BMPR2: variants seen among roughly 807,000 people sequenced by gnomAD.
The protein encoded by BMPR2 is bone morphogenetic protein receptor type 2.
BMPR2 carries 29 observed loss-of-function variants against 100.8 expected under a neutral mutation model. That is an observed-to-expected ratio of 0.29 (90% CI 0.21 to 0.39). BMPR2 has a LOEUF of 0.39. Ranked by LOEUF, BMPR2 falls within the 10% of genes least tolerant of loss-of-function variation. The probability of loss-of-function intolerance (pLI) is 1.00; values close to 1 mark genes in which losing one functional copy is unlikely to be tolerated. For synonymous variants in BMPR2, 382 were observed against 442.3 expected, an observed-to-expected ratio of 0.86 and a Z score of 1.71; for missense variants, 1,011 against 1,274.5, an observed-to-expected ratio of 0.79 and a Z score of 3.15.
chr2:202,377,261 C>G lies in BMPR2; in HGVS notation c.-214C>G, dbSNP rs560710730. 3 of 634,294 alleles carry G rather than the reference C, an allele frequency of 4.7e-6. No individual in the cohort carries two copies. The highest frequency in any genetic ancestry group is 8.6e-6 in the Non-Finnish European group (3 of 348,504). 39.3% of individuals were successfully genotyped at this position (634,294 alleles called of 1,614,324 possible). A position where few individuals can be genotyped will look rare whatever the true frequency, so the allele number is the denominator to read the frequency against. The stretch of plus-strand genomic sequence containing the variant: ...ACCCCGTCCGAGGCGAAGGAACCCC[C>G]CCAGCCGCGAGGGAGAGAAATGAAG... On this transcript the variant is annotated 5_prime_UTR_variant, in exon 1 of 13. Coordinates refer to ENST00000374580, the MANE Select transcript of BMPR2 (RefSeq NM_001204.7).
chr2:202,559,244 G>T (rs1688640037), intron 12 of BMPR2, among the ~76,000 whole-genome samples: 1 of 151,564 alleles, frequency 6.6e-6, no homozygotes, highest in Non-Finnish European at 1.5e-5. Context: ...AGAGGTTGCA[G>T]TGAGTCAAGA....
At chr2:202,402,865 G>A (rs1360370501) in intron 1 of BMPR2, among the ~76,000 whole-genome samples, 4 of 147,810 alleles carry the variant, frequency 2.7e-5, no homozygotes, top group African/African-American at 1.0e-4. Context: ...TTTCGCTTTT[G>A]TCGTCTAGGC....
intron 3 of BMPR2, among the ~76,000 whole-genome samples, chr2:202,512,658 G>T (rs1021202490): frequency 8.5e-5 from 13 of 152,124 alleles, no homozygotes; most frequent in Admixed American, 7.9e-4. Flanking sequence ...AAGGGTATTT[G>T]CTCTAGATGC....
chr2:202,487,617 C>T (rs1328760925), intron 3 of BMPR2, among the ~76,000 whole-genome samples: 1 of 152,174 alleles, frequency 6.6e-6, no homozygotes, highest in African/African-American at 2.4e-5. Context: ...GCCTGTATTG[C>T]ACCACAATCA....
intron 1 of BMPR2, among the ~76,000 whole-genome samples, chr2:202,386,289 T>G (rs1690425015): frequency 6.6e-6 from 1 of 152,198 alleles, no homozygotes; most frequent in Non-Finnish European, 1.5e-5. Flanking sequence ...TCGTATCTAC[T>G]TGGATGTCTG....
chr2:202,492,186 G>A (rs1692915265), intron 3 of BMPR2, among the ~76,000 whole-genome samples: 1 of 152,128 alleles, frequency 6.6e-6, no homozygotes. Flanking sequence ...TGGGGCAGAG[G>A]AAGGATGTTA....
In BMPR2 at chr2:202,447,826, T is replaced by C. The variant is rs143665425; in HGVS notation, c.77-16983T>C. On this transcript the variant is annotated intron_variant, in intron 1 of 12. Coordinates refer to ENST00000374580, the MANE Select transcript of BMPR2 (RefSeq NM_001204.7). ...GTCTTAGGAAGATCCATATTTAAAA[T>C]TGTTATTTTATGATGCTCTCCAGGC... 1.5e-3 allele frequency among the ~76,000 whole-genome samples: 222 copies of C among 150,784 alleles called. 19 individuals are homozygous for C. Among genetic ancestry groups the C allele is most frequent in the African/African-American group, 5.3e-3 (214 of 40,108 alleles).
At chr2:202,528,012 A>AC (rs1339630411) in intron 7 of BMPR2, among the ~76,000 whole-genome samples, 4 of 151,548 alleles carry the variant, frequency 2.6e-5, no homozygotes, top group Non-Finnish European at 4.4e-5. Flanking sequence ...ACATAGTGAG[A>AC]CCCCGTCTCT....
intron 1 of BMPR2, among the ~76,000 whole-genome samples, chr2:202,379,444 A>C (rs1042398849): frequency 6.6e-6 from 1 of 152,246 alleles, no homozygotes; most frequent in African/African-American, 2.4e-5. Flanking sequence ...ACTAGCAGCA[A>C]CAACTTCTCA....
intron 8 of BMPR2, 42 bp downstream of exon 8, chr2:202,530,996 T>C (rs1688014325): frequency 1.9e-6 from 3 of 1,610,184 alleles, no homozygotes; most frequent in Non-Finnish European, 2.5e-6. Context: ...TACTTTGAAA[T>C]GATAATTTAA....
chr2:202,478,110 A>G (rs1692586520), intron 3 of BMPR2, among the ~76,000 whole-genome samples: 1 of 152,202 alleles, frequency 6.6e-6, no homozygotes. Flanking sequence ...TTCAGTTGTC[A>G]TACTGTAAAC....
At chr2:202,556,630 T>TAA in intron 12 of BMPR2, 99 bp downstream of exon 12, 1 of 1,352,704 alleles carries the variant, frequency 7.4e-7, no homozygotes, top group Non-Finnish European at 1.0e-6. Context: ...CTAGTGATTA[T>TAA]TTACCTTTAC....
rs1229458841 is a variant in BMPR2, at chr2:202,560,131, A to T, written c.*185A>T. On this transcript the variant is annotated 3_prime_UTR_variant, in exon 13 of 13. Transcript: ENST00000374580. ...ATTTAGCTTATGCTTCCATATTTTT[A>T]AATTTTGTTTTTTAAGTTTTGCACT... 6 of 772,336 alleles carry T rather than the reference A, an allele frequency of 7.8e-6. No individual in the cohort carries two copies. The highest frequency in any genetic ancestry group is 5.3e-5 in the African/African-American group (3 of 56,872). 47.8% of individuals were successfully genotyped at this position (772,336 alleles called of 1,614,324 possible).
intron 9 of BMPR2, among the ~76,000 whole-genome samples, chr2:202,540,483 G>A (rs1172876241): frequency 6.6e-6 from 1 of 152,194 alleles, no homozygotes; most frequent in Non-Finnish European, 1.5e-5. Flanking sequence ...AATGTTTACA[G>A]TATGTGAAAC....
intron 1 of BMPR2, among the ~76,000 whole-genome samples, chr2:202,417,717 C>CT (rs796968681): frequency 0.043 from 6,195 of 144,904 alleles, 452 homozygotes; most frequent in African/African-American, 0.15. Context: ...TTCTATATTC[C>CT]TTTTTTTTTT....
chr2:202,504,564 C>T (rs1462817247), intron 3 of BMPR2, among the ~76,000 whole-genome samples: 4 of 152,052 alleles, frequency 2.6e-5, no homozygotes, highest in Non-Finnish European at 4.4e-5. Context: ...TGCGAGGGTC[C>T]GTGGCTTCAT....
chr2:202,562,880 G>C lies in BMPR2; in HGVS notation c.*2934G>C, dbSNP rs1688698883. 6.6e-6 allele frequency: 1 copy of C among 151,406 alleles called. No individual in the cohort carries two copies. Among genetic ancestry groups the C allele is most frequent in the Non-Finnish European group, 1.5e-5 (1 of 67,896 alleles). 9.4% of individuals were successfully genotyped at this position (151,406 alleles called of 1,614,324 possible). On this transcript the variant is annotated 3_prime_UTR_variant, in exon 13 of 13. Transcript: ENST00000374580. ...TTACCAGTGTAGGAAGTTACAAGAA[G>C]GCACATACTGAATGCTGAAGTATAC...
chr2:202,397,295 T>G (rs1690673384), intron 1 of BMPR2, among the ~76,000 whole-genome samples: 1 of 152,140 alleles, frequency 6.6e-6, no homozygotes, highest in Non-Finnish European at 1.5e-5. Context: ...ATTGTAAAAC[T>G]AACCCCAATT....
chr2:202,406,495 G>A (rs536250631), intron 1 of BMPR2, among the ~76,000 whole-genome samples: 2 of 152,308 alleles, frequency 1.3e-5, no homozygotes, highest in African/African-American at 4.8e-5. Context: ...AGGAATTTAA[G>A]GCCCAGGCCA....
Sources: allele counts gnomAD v4.1 joint callset (sites outside exome capture counted in the v4.1 genomes callset), GRCh38; gene constraint gnomAD v4.1.1; transcripts MANE v1.5; gene names NCBI Gene and HGNC (gene_info 2026-07-23, HGNC 2026-07-21).